Variants in SMC5 observed in about 807,000 individuals in gnomAD.
SMC5 encodes structural maintenance of chromosomes 5, also known as structural maintenance of chromosomes protein 5.
In SMC5, 88 loss-of-function variants were observed where a neutral mutation model predicts 148.3. That is an observed-to-expected ratio of 0.59 (90% confidence interval 0.50 to 0.71). The LOEUF is 0.71. SMC5 is among the 30% of genes least tolerant of loss of function. SMC5 has a pLI of 0.00. For synonymous variants in SMC5, 421 were observed against 432.8 expected (o/e 0.97, Z 0.34); for missense variants, 1,142 against 1,298.9 (o/e 0.88, Z 1.86).
chr9:70,282,276 C>T (rs1161939305), intron 6 of SMC5, 146 bp from the exon 7 acceptor site: 7 of 699,072 alleles, frequency 1.0e-5, no homozygotes, highest in Admixed American at 8.1e-5. Flanking sequence ...CTGAAGTTGT[C>T]CCAGAGGACA....
chr9:70,296,014 A>G (rs1564038027), intron 8 of SMC5, among the ~76,000 whole-genome samples: 2 of 152,122 alleles, frequency 1.3e-5, no homozygotes, highest in Admixed American at 6.5e-5. Context: ...TTTTTCAGAT[A>G]TATTTTCTCT....
chr9:70,273,034 T>C (rs2034493502), intron 3 of SMC5, among the ~76,000 whole-genome samples: 3 of 152,242 alleles, frequency 2.0e-5, no homozygotes, highest in Admixed American at 2.0e-4. Context: ...GTATTTTTGA[T>C]GTGTTGCTAG....
At chr9:70,329,954 AG>A (rs1006486284) in intron 17 of SMC5, among the ~76,000 whole-genome samples, 4 of 152,126 alleles carry the variant, frequency 2.6e-5, no homozygotes, top group South Asian at 2.1e-4. Context: ...GTGAGAGAGA[AG>A]GGGGAAGTGC....
intron 13 of SMC5, among the ~76,000 whole-genome samples, chr9:70,317,605 A>G (rs982926480): frequency 3.3e-5 from 5 of 152,174 alleles, no homozygotes; most frequent in Non-Finnish European, 1.5e-5. Flanking sequence ...CTACAGTAGT[A>G]TTACAATAGT....
intron 17 of SMC5, among the ~76,000 whole-genome samples, chr9:70,333,012 G>C (rs907467129): frequency 2.6e-5 from 4 of 151,942 alleles, no homozygotes; most frequent in Admixed American, 2.0e-4. Context: ...CTTACAACTG[G>C]GGACGAGGAA....
intron 22 of SMC5, among the ~76,000 whole-genome samples, 164 bp downstream of exon 22, chr9:70,348,202 G>C (rs956593766): frequency 2.0e-5 from 3 of 151,986 alleles, no homozygotes; most frequent in Admixed American, 2.0e-4. Flanking sequence ...TTCCATTAGG[G>C]TCACTTTTTT....
rs73454775 is a variant in SMC5 at position 70,297,540 on chromosome 9, A to G, written c.1054-426A>G. On this transcript the variant is annotated intron_variant, in intron 8 of 24. Transcript: ENST00000361138. Reference sequence around the variant, plus strand: ...GATTTGGGATTTTTGGATTAGGGATATTCAACCTGTAATAGGGTGACTTGT... The same window carrying G: ...GATTTGGGATTTTTGGATTAGGGATGTTCAACCTGTAATAGGGTGACTTGT... Among the ~76,000 whole-genome samples the G allele has an allele frequency of 4.3e-3, 651 of 152,336 alleles. 5 individuals are homozygous for G. The highest frequency in any genetic ancestry group is 0.014 in the African/African-American group (565 of 41,586).
intron 11 of SMC5, among the ~76,000 whole-genome samples, chr9:70,309,960 C>T (rs987235318): frequency 7.9e-5 from 12 of 152,174 alleles, no homozygotes; most frequent in Non-Finnish European, 1.8e-4. Flanking sequence ...AGCAATTCTG[C>T]CTCAGCCTCC....
chr9:70,263,895 A>G (rs751635971), intron 1 of SMC5, among the ~76,000 whole-genome samples: 6 of 152,218 alleles, frequency 3.9e-5, no homozygotes, highest in Non-Finnish European at 8.8e-5. Context: ...AATATGAATA[A>G]CCATTAAGCA....
intron 17 of SMC5, among the ~76,000 whole-genome samples, chr9:70,325,628 G>A (rs2036058660): frequency 6.6e-6 from 1 of 152,136 alleles, no homozygotes; most frequent in South Asian, 2.1e-4. Context: ...AGAGCTACAT[G>A]ATAAAGGAGA....
intron 8 of SMC5, among the ~76,000 whole-genome samples, chr9:70,289,769 CTT>C (rs2035009286): frequency 2.0e-5 from 3 of 151,712 alleles, no homozygotes; most frequent in South Asian, 2.1e-4. Flanking sequence ...TCATCAGTAT[CTT>C]TATTCTCCCA....
intron 10 of SMC5, among the ~76,000 whole-genome samples, chr9:70,303,309 A>C (rs1399207810): frequency 6.7e-6 from 1 of 149,522 alleles, no homozygotes; most frequent in African/African-American, 2.4e-5. Context: ...ATCTATAATT[A>C]TATTTTTTTT....
chr9:70,277,087 A>G (rs1355222135), intron 3 of SMC5, among the ~76,000 whole-genome samples: 1 of 152,148 alleles, frequency 6.6e-6, no homozygotes, highest in African/African-American at 2.4e-5. Context: ...TAACAGTTTA[A>G]ATAATTTTGA....
At chr9:70,281,995 C>T (rs951688899) in intron 6 of SMC5, among the ~76,000 whole-genome samples, 3 of 150,956 alleles carry the variant, frequency 2.0e-5, no homozygotes, top group Non-Finnish European at 3.0e-5. Context: ...ATCACTTTCA[C>T]CTACATGCTG....
chr9:70,350,802 T>C (rs768410503), intron 24 of SMC5, among the ~76,000 whole-genome samples: 73 of 152,188 alleles, frequency 4.8e-4, no homozygotes, highest in Non-Finnish European at 1.0e-3. Flanking sequence ...GCCTCTCTTG[T>C]CATATACTGC....
intron 3 of SMC5, among the ~76,000 whole-genome samples, chr9:70,275,516 A>G (rs1052686770): frequency 6.6e-6 from 1 of 152,058 alleles, no homozygotes; most frequent in African/African-American, 2.4e-5. Context: ...GTTGTCTTCT[A>G]ATGTGAATCT....
chr9:70,267,173 T>C (rs1032690597), intron 2 of SMC5, among the ~76,000 whole-genome samples: 1 of 152,184 alleles, frequency 6.6e-6, no homozygotes, highest in African/African-American at 2.4e-5. Context: ...TAGTAAATGC[T>C]TGATAAATGT....
intron 17 of SMC5, among the ~76,000 whole-genome samples, chr9:70,328,054 A>C (rs2036126638): frequency 1.3e-5 from 2 of 152,090 alleles, no homozygotes; most frequent in Admixed American, 1.3e-4. Context: ...CAAGAACTAC[A>C]AGGGGAATCC....
At chr9:70,334,660 G>C (rs2036313951) in intron 17 of SMC5, among the ~76,000 whole-genome samples, 1 of 152,004 alleles carries the variant, frequency 6.6e-6, no homozygotes, top group Non-Finnish European at 1.5e-5. Flanking sequence ...ATGTGACAGA[G>C]ACTTTATATG....
Sources: allele counts gnomAD v4.1 joint callset (sites outside exome capture counted in the v4.1 genomes callset), GRCh38; gene constraint gnomAD v4.1.1; transcripts MANE v1.5; gene names NCBI Gene and HGNC (gene_info 2026-07-23, HGNC 2026-07-21).